Variants in RBFOX1 observed in about 807,000 individuals in gnomAD.
The protein encoded by RBFOX1 is RNA binding fox-1 homolog 1.
RBFOX1 carries 8 observed loss-of-function variants against 57.7 expected under a neutral mutation model. The observed-to-expected ratio is 0.14, with a 90% CI of 0.08 to 0.25. RBFOX1 has a LOEUF of 0.25. Among genes scored for constraint, RBFOX1 ranks in the 10% least tolerant of loss-of-function variants. The probability of loss-of-function intolerance (pLI) is 1.00; values close to 1 mark genes in which losing one functional copy is unlikely to be tolerated. For missense variants in RBFOX1, 611 were observed against 548.5 expected (o/e 1.11, Z -1.14); for synonymous variants, 326 against 222.4 (o/e 1.47, Z -4.15).
chr16:5,646,902 A>G (rs1398413752), intron 3 of RBFOX1, among the ~76,000 whole-genome samples: 2 of 152,008 alleles, frequency 1.3e-5, no homozygotes, highest in African/African-American at 2.4e-5. Flanking sequence ...CAAACTGCTG[A>G]TATTACAGGC....
rs28399687 is a variant in RBFOX1 at position 5,253,951 on chromosome 16, A to G, written c.219+13846A>G. Among the ~76,000 whole-genome samples the G allele has an allele frequency of 3.4e-3, 515 of 151,484 alleles. 5 individuals are homozygous for G. Among genetic ancestry groups the G allele is most frequent in the African/African-American group, 0.012 (497 of 41,156 alleles). On this transcript the variant is annotated intron_variant, in intron 1 of 2. Coordinates refer to the RBFOX1 transcript ENST00000585867. ...GACTCAGTCACAGCAACCCCCTATT[A>G]TCTGCTTTCATGACACCAGGTACCT...
chr16:5,245,380 CT>C (rs2062272236), intron 1 of RBFOX1, among the ~76,000 whole-genome samples: 1 of 152,120 alleles, frequency 6.6e-6, no homozygotes, highest in Non-Finnish European at 1.5e-5. Flanking sequence ...ACAGATGGGT[CT>C]GGGGCTAGGA....
chr16:7,441,485 T>G (rs572575606), intron 4 of RBFOX1, among the ~76,000 whole-genome samples: 34 of 152,288 alleles, frequency 2.2e-4, no homozygotes, highest in African/African-American at 8.2e-4. Context: ...CGTCACTGGG[T>G]AGTGGTAAAA....
At chr16:7,629,776 G>A (rs1018541581) in intron 10 of RBFOX1, among the ~76,000 whole-genome samples, 10 of 152,192 alleles carry the variant, frequency 6.6e-5, no homozygotes, top group Admixed American at 2.0e-4. Flanking sequence ...TGAACCCAGT[G>A]CCCTTCGCTT....
intron 4 of RBFOX1, among the ~76,000 whole-genome samples, chr16:7,193,218 C>G (rs1379040138): frequency 1.3e-5 from 2 of 152,168 alleles, no homozygotes; most frequent in Non-Finnish European, 2.9e-5. Context: ...GAGAGAGTAT[C>G]AGAGCAGCTC....
intron 1 of RBFOX1, among the ~76,000 whole-genome samples, chr16:5,383,881 A>T (rs2066192663): frequency 6.6e-6 from 1 of 152,212 alleles, no homozygotes; most frequent in Non-Finnish European, 1.5e-5. Context: ...CAATATGACT[A>T]CTTCAGGTAA....
intron 2 of RBFOX1, among the ~76,000 whole-genome samples, chr16:6,600,890 G>A (rs1181507788): frequency 6.6e-6 from 1 of 152,192 alleles, no homozygotes; most frequent in African/African-American, 2.4e-5. Context: ...TTAGATCTAT[G>A]AAAAAGCCTC....
chr16:7,030,603 A>G (rs2042542616), intron 3 of RBFOX1, among the ~76,000 whole-genome samples: 1 of 151,992 alleles, frequency 6.6e-6, no homozygotes, highest in South Asian at 2.1e-4. Flanking sequence ...GCTATTTCGT[A>G]TGTGGACACT....
intron 4 of RBFOX1, among the ~76,000 whole-genome samples, chr16:7,358,256 G>A (rs570847849): frequency 5.9e-5 from 9 of 152,334 alleles, no homozygotes; most frequent in African/African-American, 2.2e-4. Flanking sequence ...CAAATAAACC[G>A]TGACAGAGAA....
intron 4 of RBFOX1, among the ~76,000 whole-genome samples, chr16:7,193,489 G>T (rs143063321): frequency 6.6e-6 from 1 of 152,234 alleles, no homozygotes; most frequent in Admixed American, 6.5e-5. Context: ...TACAGCAGCA[G>T]TATCAAGCTA....
At chr16:5,501,189 G>A (rs1365850725) in intron 2 of RBFOX1, among the ~76,000 whole-genome samples, 7 of 151,576 alleles carry the variant, frequency 4.6e-5, no homozygotes, top group Non-Finnish European at 7.4e-5. Flanking sequence ...GTGGTGGTGG[G>A]TGCCTGTAAT....
chr16:5,952,539 G>C (rs1449706384), intron 4 of RBFOX1, among the ~76,000 whole-genome samples: 1 of 152,112 alleles, frequency 6.6e-6, no homozygotes, highest in African/African-American at 2.4e-5. Context: ...TGCCCACCTT[G>C]GCCTTCCAAA....
In RBFOX1 at chr16:5,434,674, C is replaced by T. The variant is rs150918087; in HGVS notation, c.220-32542C>T. ...TTGTGTGCTAATAACCTTATTTCTT[C>T]GTTATCTGTTTAAAATCCTGCATCT... On this transcript the variant is annotated intron_variant, in intron 1 of 2. Coordinates refer to the RBFOX1 transcript ENST00000585867. 3.1e-3 allele frequency among the ~76,000 whole-genome samples: 471 copies of T among 152,190 alleles called. 3 individuals carry two copies. Among genetic ancestry groups the T allele is most frequent in the Non-Finnish European group, 5.5e-3 (375 of 68,020 alleles).
intron 3 of RBFOX1, among the ~76,000 whole-genome samples, chr16:6,991,653 C>G (rs187283663): frequency 3.9e-4 from 59 of 152,264 alleles, no homozygotes; most frequent in African/African-American, 1.3e-3. Flanking sequence ...CCTCCTACCT[C>G]AGCTGTCCAA....
intron 1 of RBFOX1, among the ~76,000 whole-genome samples, chr16:6,265,336 A>G (rs1305188300): frequency 1.3e-5 from 2 of 151,924 alleles, no homozygotes; most frequent in African/African-American, 4.8e-5. Flanking sequence ...GTCTCGGCTC[A>G]CTACAACCTC....
intron 2 of RBFOX1, among the ~76,000 whole-genome samples, chr16:6,631,314 A>T (rs2098382231): frequency 6.6e-6 from 1 of 152,142 alleles, no homozygotes; most frequent in Non-Finnish European, 1.5e-5. Context: ...ACAGAGATGC[A>T]TTTTAATGCA....
At chr16:6,455,962 GACTAAA>G (rs1380652166) in intron 2 of RBFOX1, among the ~76,000 whole-genome samples, 2 of 152,008 alleles carry the variant, frequency 1.3e-5, no homozygotes, top group African/African-American at 4.8e-5. Context: ...AAGAATCTTA[GACTAAA>G]GCTAGCCACT....
At chr16:5,809,595 C>T (rs1373127684) in intron 3 of RBFOX1, among the ~76,000 whole-genome samples, 1 of 152,180 alleles carries the variant, frequency 6.6e-6, no homozygotes, top group African/African-American at 2.4e-5. Flanking sequence ...CACGGGCCAT[C>T]AGAGAAATGC....
intron 7 of RBFOX1, among the ~76,000 whole-genome samples, chr16:7,593,902 C>T (rs186261331): frequency 6.6e-6 from 1 of 152,156 alleles, no homozygotes; most frequent in Non-Finnish European, 1.5e-5. Context: ...CATCCACATC[C>T]CCTGTCTTCT....
Sources: allele counts gnomAD v4.1 joint callset (sites outside exome capture counted in the v4.1 genomes callset), GRCh38; gene constraint gnomAD v4.1.1; transcripts MANE v1.5; gene names NCBI Gene and HGNC (gene_info 2026-07-23, HGNC 2026-07-21).